The following LIMCH1 variants were observed in gnomAD, a reference collection of about 807,000 sequenced individuals.
LIMCH1 encodes the protein LIM and calponin homology domains 1.
Under a neutral mutation model 176.5 loss-of-function variants are expected in LIMCH1, and 113 were observed. The observed-to-expected ratio is 0.64, with a 90% CI of 0.55 to 0.75. The LOEUF (loss-of-function observed/expected upper bound fraction) is 0.75. LIMCH1 is among the 30% of genes least tolerant of loss of function. The pLI is 0.00. For synonymous variants in LIMCH1, 619 were observed against 645.9 expected, an observed-to-expected ratio of 0.96 and a Z score of 0.63; for missense variants, 1,674 against 1,814.9, an observed-to-expected ratio of 0.92 and a Z score of 1.41.
rs145760654 is a variant in LIMCH1, at chr4:41,380,861, A to G, written c.96+19925A>G. Among the ~76,000 whole-genome samples, 1,318 of 152,342 alleles carry G rather than the reference A, an allele frequency of 8.7e-3. 23 individuals carry two copies. The highest frequency in any genetic ancestry group is 0.03 in the African/African-American group (1,235 of 41,578). On this transcript the variant is annotated intron_variant, in intron 1 of 26. Transcript: ENST00000313860. ...CCTAGTTCACATGATGGAATAAAAT[A>G]ATCAGTATTTTATGGCATACTATAA...
intron 13 of LIMCH1, among the ~76,000 whole-genome samples, chr4:41,636,340 C>CTTTTTTTTTTT (rs35828085): frequency 5.7e-5 from 6 of 104,916 alleles, no homozygotes; most frequent in African/African-American, 7.4e-5. Context: ...TGCTTTATTA[C>CTTTTTTTTTTT]TTTTTTTTTT....
chr4:41,372,127 C>A (rs1342768911), intron 1 of LIMCH1, among the ~76,000 whole-genome samples: 3 of 152,212 alleles, frequency 2.0e-5, no homozygotes, highest in African/African-American at 7.2e-5. Context: ...CCAGATCTTT[C>A]TGCATTTTCC....
chr4:41,459,443 G>C (rs1231700610), intron 1 of LIMCH1, among the ~76,000 whole-genome samples: 1 of 151,978 alleles, frequency 6.6e-6, no homozygotes, highest in Non-Finnish European at 1.5e-5. Flanking sequence ...TGAGACCACA[G>C]GTGTGTGCCA....
chr4:41,406,738 G>A (rs565740976), intron 1 of LIMCH1, among the ~76,000 whole-genome samples: 10 of 152,278 alleles, frequency 6.6e-5, no homozygotes, highest in South Asian at 2.1e-4. Context: ...TAAAAATATT[G>A]CAGCAGATTG....
In LIMCH1 at chr4:41,689,463, T is replaced by C. The variant is rs147666676; in HGVS notation, c.4167-64T>C. On this transcript the variant is annotated intron_variant, in intron 29 of 31. Transcript: ENST00000503057. ...TTTCATTTTTGCATGAGGTTACATG[T>C]CTGTGTGTTTGACCAGGTATTCTAA... 5.7e-4 allele frequency: 477 copies of C among 840,376 alleles called. 5 individuals carry two copies. In the African/African-American group the frequency reaches 7.0e-3, roughly 12 times the overall value. 52.1% of individuals were successfully genotyped at this position (840,376 alleles called of 1,614,324 possible).
At chr4:41,568,420 T>A (rs1474809510) in intron 1 of LIMCH1, among the ~76,000 whole-genome samples, 1 of 152,214 alleles carries the variant, frequency 6.6e-6, no homozygotes, top group Non-Finnish European at 1.5e-5. Context: ...AACTGTTGCA[T>A]TCCCTTGCAA....
chr4:41,542,388 G>A (rs1308770112), intron 1 of LIMCH1, among the ~76,000 whole-genome samples: 2 of 150,546 alleles, frequency 1.3e-5, no homozygotes, highest in Admixed American at 1.3e-4. Flanking sequence ...CTGATGGCCA[G>A]AGGTTTCTGC....
At chr4:41,659,025 T>C (rs140619506) in intron 18 of LIMCH1, among the ~76,000 whole-genome samples, 1 of 152,220 alleles carries the variant, frequency 6.6e-6, no homozygotes, top group Admixed American at 6.5e-5. Flanking sequence ...TTTCTACATG[T>C]GCAAGACAGC....
At chr4:41,391,273 A>C (rs1456883987) in intron 1 of LIMCH1, among the ~76,000 whole-genome samples, 2 of 152,208 alleles carry the variant, frequency 1.3e-5, no homozygotes, top group Non-Finnish European at 2.9e-5. Context: ...CTGGGGTCAC[A>C]GACATAATTA....
intron 1 of LIMCH1, among the ~76,000 whole-genome samples, chr4:41,448,431 T>C (rs1010392046): frequency 2.3e-4 from 35 of 152,192 alleles, no homozygotes; most frequent in African/African-American, 8.0e-4. Context: ...GGCCTGAGCT[T>C]GTCTGTTTCC....
chr4:41,695,081 G>A (rs576058700), intron 31 of LIMCH1, among the ~76,000 whole-genome samples: 1 of 152,012 alleles, frequency 6.6e-6, no homozygotes, highest in South Asian at 2.1e-4. Flanking sequence ...TTTGGCACCT[G>A]ATTTGTATGA....
At position 41,684,120 on chromosome 4, in the gene LIMCH1, A is replaced by G. The variant is rs182197075; in HGVS notation, c.3846-277A>G. Among the ~76,000 whole-genome samples, 182 of 152,330 alleles carry G rather than the reference A, an allele frequency of 1.2e-3. 1 individual carries two copies. The highest frequency in any genetic ancestry group is 4.2e-3 in the African/African-American group (173 of 41,578). Reference sequence around the variant, plus strand: ...CAGTAAGTGCTCTCTTGTGAACATCAGGTTAGCTCTGGCATTCCTTGAAAT... The same window carrying G: ...CAGTAAGTGCTCTCTTGTGAACATCGGGTTAGCTCTGGCATTCCTTGAAAT... On this transcript the variant is annotated intron_variant, in intron 26 of 31. Coordinates refer to ENST00000503057, the MANE Select transcript of LIMCH1 (RefSeq NM_001330672.2).
At chr4:41,453,284 G>A (rs2064124784) in intron 1 of LIMCH1, among the ~76,000 whole-genome samples, 1 of 152,132 alleles carries the variant, frequency 6.6e-6, no homozygotes, top group Admixed American at 6.5e-5. Context: ...GGGATTATGG[G>A]CACTGAACCC....
chr4:41,679,563 G>A (rs897664479), intron 23 of LIMCH1, among the ~76,000 whole-genome samples: 2 of 152,150 alleles, frequency 1.3e-5, no homozygotes, highest in African/African-American at 4.8e-5. Context: ...TGTCCACGGT[G>A]GACCTTTCTG....
intron 1 of LIMCH1, among the ~76,000 whole-genome samples, chr4:41,551,553 A>G (rs1316693227): frequency 1.3e-5 from 2 of 152,190 alleles, no homozygotes; most frequent in Admixed American, 6.5e-5. Flanking sequence ...GAGTGTTTGG[A>G]TGAAGCCGAG....
chr4:41,522,478 T>C (rs1244681354), intron 2 of LIMCH1, among the ~76,000 whole-genome samples: 1 of 152,128 alleles, frequency 6.6e-6, no homozygotes, highest in Non-Finnish European at 1.5e-5. Context: ...TTTGATGCTT[T>C]TGAGTTGTCA....
intron 1 of LIMCH1, among the ~76,000 whole-genome samples, chr4:41,460,798 G>T (rs146809548): frequency 6.6e-6 from 1 of 152,058 alleles, no homozygotes; most frequent in Non-Finnish European, 1.5e-5. Context: ...TTCAGTGGGT[G>T]TAGTTGACGG....
intron 1 of LIMCH1, among the ~76,000 whole-genome samples, chr4:41,410,743 G>T (rs1446151905): frequency 6.6e-6 from 1 of 152,194 alleles, no homozygotes; most frequent in Non-Finnish European, 1.5e-5. Flanking sequence ...GTGTGCTGCT[G>T]TTTCTGCTAC....
At chr4:41,545,437 G>C (rs552187698) in intron 1 of LIMCH1, among the ~76,000 whole-genome samples, 1 of 152,280 alleles carries the variant, frequency 6.6e-6, no homozygotes, top group East Asian at 1.9e-4. Context: ...TACGAGGGGA[G>C]AGTTACTGTG....
Sources: gnomAD v4.1 joint callset for allele counts (sites outside exome capture counted in the v4.1 genomes callset) on GRCh38, gnomAD v4.1.1 for gene constraint, MANE v1.5 for transcripts, NCBI Gene and HGNC (gene_info 2026-07-23, HGNC 2026-07-21) for gene names.